CNTNAP2: variants seen among roughly 807,000 people sequenced by gnomAD.
CNTNAP2 encodes the protein contactin associated protein 2, also known as contactin-associated protein-like 2.
Under a neutral mutation model 155.2 loss-of-function variants are expected in CNTNAP2, and 98 were observed. That is an observed-to-expected ratio of 0.63 (90% CI 0.54 to 0.75). The LOEUF is 0.75. Among genes scored for constraint, CNTNAP2 ranks in the 30% least tolerant of loss-of-function variants. The pLI is 0.00. For synonymous variants in CNTNAP2, 651 were observed against 631.2 expected, an observed-to-expected ratio of 1.03 and a Z score of -0.47; for missense variants, 1,727 against 1,688.1, an observed-to-expected ratio of 1.02 and a Z score of -0.40.
intron 3 of CNTNAP2, among the ~76,000 whole-genome samples, chr7:146,880,107 A>C (rs1795513367): frequency 6.6e-6 from 1 of 152,084 alleles, no homozygotes. Context: ...GGCAGCTAAA[A>C]TTTCAAGATG....
intron 13 of CNTNAP2, among the ~76,000 whole-genome samples, chr7:147,722,494 T>A (rs1796579437): frequency 6.6e-6 from 1 of 152,108 alleles, no homozygotes; most frequent in African/African-American, 2.4e-5. Context: ...ATCCGGCAGT[T>A]TGCACAGCCC....
chr7:146,354,411 A>ATTTTTTTTTTTTT (rs10641636), intron 1 of CNTNAP2, among the ~76,000 whole-genome samples: 11 of 135,348 alleles, frequency 8.1e-5, no homozygotes, highest in Non-Finnish European at 1.3e-4. Context: ...TCTTGTTAGT[A>ATTTTTTTTTTTTT]TTTTTTTTTT....
intron 4 of CNTNAP2, chr7:147,085,737 C>T (rs1035282256): frequency 1.3e-5 from 2 of 152,118 alleles, no homozygotes; most frequent in East Asian, 1.9e-4. Flanking sequence ...TTTAAATTCT[C>T]TTCATGTCTC....
At chr7:148,126,512 G>A (rs1045052639) in intron 16 of CNTNAP2, among the ~76,000 whole-genome samples, 9 of 152,206 alleles carry the variant, frequency 5.9e-5, no homozygotes, top group East Asian at 1.9e-4. Flanking sequence ...TGGAACTCAC[G>A]ATTTCACAGG....
At chr7:147,472,662 G>A (rs1177824979) in intron 10 of CNTNAP2, among the ~76,000 whole-genome samples, 1 of 152,138 alleles carries the variant, frequency 6.6e-6, no homozygotes, top group African/African-American at 2.4e-5. Context: ...GAACTGGAGT[G>A]GCAGAGACAC....
intron 9 of CNTNAP2, among the ~76,000 whole-genome samples, chr7:147,315,018 T>A (rs1795199920): frequency 6.7e-6 from 1 of 149,082 alleles, no homozygotes; most frequent in African/African-American, 2.5e-5. Flanking sequence ...CGAAGAGCAG[T>A]GGGCAGAGAT....
intron 2 of CNTNAP2, among the ~76,000 whole-genome samples, chr7:146,775,544 A>C (rs1344130874): frequency 1.3e-5 from 2 of 151,388 alleles, no homozygotes; most frequent in Admixed American, 1.3e-4. Context: ...ATATAGGAGG[A>C]AGTAAGAAAG....
At chr7:147,555,954 G>A (rs1208729862) in intron 11 of CNTNAP2, among the ~76,000 whole-genome samples, 8 of 152,110 alleles carry the variant, frequency 5.3e-5, no homozygotes, top group Admixed American at 5.2e-4. Context: ...CCTGTTACTT[G>A]TCTTTACTCT....
intron 8 of CNTNAP2, among the ~76,000 whole-genome samples, chr7:147,150,221 C>T (rs1289433777): frequency 6.6e-6 from 1 of 152,064 alleles, no homozygotes; most frequent in East Asian, 1.9e-4. Flanking sequence ...TAAGTAAGAA[C>T]AGATAAACAG....
intron 23 of CNTNAP2, among the ~76,000 whole-genome samples, chr7:148,413,401 A>AAAAAAAAAAAAAAT (rs1442990213): frequency 3.5e-4 from 16 of 45,368 alleles, no homozygotes; most frequent in Non-Finnish European, 5.4e-4. Flanking sequence ...TCAAAAAAAA[A>AAAAAAAAAAAAAAT]ATATATATAT....
chr7:146,512,173 T>C (rs1444101595), intron 1 of CNTNAP2, among the ~76,000 whole-genome samples: 1 of 151,932 alleles, frequency 6.6e-6, no homozygotes, highest in Non-Finnish European at 1.5e-5. Context: ...ATTTAGGTCT[T>C]CTTTTTTTTC....
intron 1 of CNTNAP2, among the ~76,000 whole-genome samples, chr7:146,651,863 CT>C (rs1431721281): frequency 1.3e-5 from 2 of 152,064 alleles, no homozygotes; most frequent in Admixed American, 1.3e-4. Context: ...AGTAAAGTAT[CT>C]TTTGTCATCA....
intron 1 of CNTNAP2, among the ~76,000 whole-genome samples, chr7:146,764,531 TA>T (rs1298293148): frequency 7.3e-5 from 11 of 150,344 alleles, no homozygotes; most frequent in Non-Finnish European, 1.3e-4. Context: ...AAGCTTAATT[TA>T]AAAAAAAAGC....
intron 14 of CNTNAP2, among the ~76,000 whole-genome samples, chr7:147,914,653 C>T (rs548703024): frequency 2.0e-4 from 31 of 152,276 alleles, no homozygotes; most frequent in African/African-American, 7.0e-4. Context: ...CTCGACCTCC[C>T]CAGGCTCAGG....
At position 147,664,362 on chromosome 7, in the gene CNTNAP2, A is replaced by G. The variant is rs771137893; in HGVS notation, c.2098+25056A>G. 1.3e-4 allele frequency among the ~76,000 whole-genome samples: 20 copies of G among 152,266 alleles called. No individual in the cohort carries two copies. In the Middle Eastern group the frequency reaches 0.01, roughly 78 times the overall value. ...CTGTTTCCTCGTAGCCCCAAATAAC[A>G]TTTCACCTACTTCTAAAGCTGCTGT... On this transcript the variant is annotated intron_variant, in intron 13 of 23. Coordinates refer to ENST00000361727, the MANE Select transcript of CNTNAP2 (RefSeq NM_014141.6).
At chr7:146,586,637 A>T (rs895857135) in intron 1 of CNTNAP2, among the ~76,000 whole-genome samples, 1 of 152,150 alleles carries the variant, frequency 6.6e-6, no homozygotes, top group Non-Finnish European at 1.5e-5. Flanking sequence ...ACATGCACAC[A>T]TATGTATTAA....
At position 147,751,567 on chromosome 7, in the gene CNTNAP2, C is replaced by T. The variant is rs550557430; in HGVS notation, c.2098+112261C>T. 9.2e-5 allele frequency among the ~76,000 whole-genome samples: 14 copies of T among 152,282 alleles called. No individual in the cohort carries two copies. In the South Asian group the frequency reaches 2.5e-3, roughly 27 times the overall value. ...AATTTGAATCATGAGAGGCAATCATCGTCCCTTAACACCAAGATCAAGAGC... is the reference window on the plus strand; with the variant it reads ...AATTTGAATCATGAGAGGCAATCATTGTCCCTTAACACCAAGATCAAGAGC... On this transcript the variant is annotated intron_variant, in intron 13 of 23. Transcript: ENST00000361727.
chr7:147,858,623 C>A (rs547103052), intron 13 of CNTNAP2, among the ~76,000 whole-genome samples: 2 of 152,226 alleles, frequency 1.3e-5, no homozygotes, highest in East Asian at 3.9e-4. Flanking sequence ...TAATCAAGTT[C>A]GGATGAGGTC....
At chr7:146,507,803 A>T (rs563958605) in intron 1 of CNTNAP2, among the ~76,000 whole-genome samples, 1 of 152,218 alleles carries the variant, frequency 6.6e-6, no homozygotes, top group African/African-American at 2.4e-5. Flanking sequence ...TATAATGGAA[A>T]AGGTGGACCC....
Sources: gnomAD v4.1 joint callset for allele counts (sites outside exome capture counted in the v4.1 genomes callset) on GRCh38, gnomAD v4.1.1 for gene constraint, MANE v1.5 for transcripts, NCBI Gene and HGNC (gene_info 2026-07-23, HGNC 2026-07-21) for gene names.